TMPRSS6: variants seen among roughly 807,000 people sequenced by gnomAD.
TMPRSS6 encodes transmembrane serine protease 6.
Under a neutral mutation model 101.5 loss-of-function variants are expected in TMPRSS6, and 67 were observed. That is an observed-to-expected ratio of 0.66 (90% CI 0.54 to 0.81). TMPRSS6 has a LOEUF of 0.81. Among genes scored for constraint, TMPRSS6 ranks in the 30% least tolerant of loss-of-function variants. The probability of loss-of-function intolerance (pLI) is 0.00; values close to 1 mark genes in which losing one functional copy is unlikely to be tolerated. For synonymous variants in TMPRSS6, 453 were observed against 464.9 expected (o/e 0.97, Z 0.33); for missense variants, 1,034 against 1,088.7 (o/e 0.95, Z 0.71).
At chr22:37,104,822 G>C (rs1290131154) in intron 1 of TMPRSS6, among the ~76,000 whole-genome samples, 2 of 152,106 alleles carry the variant, frequency 1.3e-5, no homozygotes, top group African/African-American at 4.8e-5. Flanking sequence ...TTAGCCGGCT[G>C]TGGTGGTGGG....
At chr22:37,080,341 C>G (rs1336823757) in intron 10 of TMPRSS6, 1 of 152,258 alleles carries the variant, frequency 6.6e-6, no homozygotes, top group East Asian at 1.9e-4. Context: ...ATGGGGGGCC[C>G]ACCAGGCCAG....
At chr22:37,087,752 T>C (rs981476083) in intron 7 of TMPRSS6, among the ~76,000 whole-genome samples, 31 of 152,158 alleles carry the variant, frequency 2.0e-4, no homozygotes, top group African/African-American at 7.0e-4. Flanking sequence ...GGAGATACGA[T>C]ATTAGGATGG....
Position 37,084,857 on chromosome 22 carries a change from CTG to C in TMPRSS6, c.974-20_974-19del. 6.5e-7 allele frequency: 1 copy of C among 1,547,480 alleles called. No individual in the cohort carries two copies. The highest frequency in any genetic ancestry group is 8.7e-7 in the Non-Finnish European group (1 of 1,144,516). Reference sequence around the variant, plus strand: ...TTCACAGGCTGGACCAGGAGAGCAGCTGTTACACAGGGGTCCCCTGGCTGCAC... The same window carrying C: ...TTCACAGGCTGGACCAGGAGAGCAGCTTACACAGGGGTCCCCTGGCTGCAC... On this transcript the variant is annotated intron_variant, in intron 8 of 17. Coordinates refer to ENST00000676104, the MANE Select transcript of TMPRSS6 (RefSeq NM_001374504.1).
chr22:37,085,357 G>A (rs376038322), intron 8 of TMPRSS6, among the ~76,000 whole-genome samples: 4 of 152,086 alleles, frequency 2.6e-5, no homozygotes, highest in Non-Finnish European at 4.4e-5. Context: ...CTCCCGCCTC[G>A]AGCCTGTGTC....
chr22:37,108,924 A>C (rs1315824320), intron 1 of TMPRSS6, among the ~76,000 whole-genome samples: 1 of 152,176 alleles, frequency 6.6e-6, no homozygotes, highest in Non-Finnish European at 1.5e-5. Flanking sequence ...ACACACTCAC[A>C]GACCCACAGA....
chr22:37,084,431 T>TGGCC, intron 9 of TMPRSS6, 27 bp from the exon 10 acceptor site: 1 of 1,578,544 alleles, frequency 6.3e-7, no homozygotes, highest in Non-Finnish European at 8.7e-7. Context: ...GGCCATCAGG[T>TGGCC]GGCCCATGGG....
chr22:37,103,483 C>T lies in TMPRSS6; in HGVS notation c.-1-65G>A, dbSNP rs766080729. ...TTTGCAAGGGAGCCTCTGCTGAGCA[C>T]CGGTGGGGCACGGAAGCAGGACTTC... On this transcript the variant is annotated intron_variant, in intron 1 of 17. Coordinates refer to ENST00000676104, the MANE Select transcript of TMPRSS6 (RefSeq NM_001374504.1). The surrounding 1 kb of genome is among the most constrained non-coding windows in gnomAD (Gnocchi z 4.4). 6.2e-6 allele frequency: 10 copies of T among 1,614,246 alleles called. 1 individual carries two copies. The South Asian group carries it at 1.1e-4, about 18-fold the overall frequency.
At chr22:37,084,486 G>A in intron 9 of TMPRSS6, 82 bp from the exon 10 acceptor site, 2 of 1,058,754 alleles carry the variant, frequency 1.9e-6, no homozygotes, top group Non-Finnish European at 2.9e-6. Context: ...ACAAAGAGAA[G>A]GAAACACAGA....
intron 10 of TMPRSS6, among the ~76,000 whole-genome samples, chr22:37,078,949 G>A (rs201685866): frequency 0.21 from 23,318 of 110,778 alleles, 2,864 homozygotes; most frequent in African/African-American, 0.3. Context: ...GAAGGAGAAG[G>A]AGAAAAAGAG....
chr22:37,095,529 A>AG, intron 6 of TMPRSS6, 22 bp downstream of exon 6: 1 of 1,611,844 alleles, frequency 6.2e-7, no homozygotes, highest in African/African-American at 1.3e-5. Context: ...GAAAATGGGG[A>AG]GGGGAAAAAA....
At chr22:37,096,182 A>G in intron 4 of TMPRSS6, 92 bp from the exon 5 acceptor site, 1 of 1,422,792 alleles carries the variant, frequency 7.0e-7, no homozygotes, top group Non-Finnish European at 9.8e-7. Context: ...CACTTTCCGC[A>G]CCTCAGCCAT....
At chr22:37,081,288 G>A (rs929047377) in intron 10 of TMPRSS6, among the ~76,000 whole-genome samples, 2 of 152,192 alleles carry the variant, frequency 1.3e-5, no homozygotes, top group African/African-American at 4.8e-5. Flanking sequence ...CAGGGTGGGG[G>A]TCTCTTTCAC....
Position 37,096,049 on chromosome 22 carries a change from A to G in TMPRSS6, c.446T>C (p.Ile149Thr). Residue 149 changes from isoleucine to threonine, a missense_variant, in exon 5 of 18, where the codon ATC becomes ACC. Physicochemically the swap from Ile to Thr is moderately conservative, Grantham distance 89. Coordinates refer to ENST00000676104, the MANE Select transcript of TMPRSS6 (RefSeq NM_001374504.1). ...LTCFFWFILQ[I>T]PEHRRLMLSP... ...CAGCATCAGCCGGCGGTGCTCGGGG[A>G]TTTGGAGAATGAACCAGAAGAAGCA... The G allele has an allele frequency of 1.2e-6, 2 of 1,614,056 alleles. No homozygotes were observed. Among genetic ancestry groups the G allele is most frequent in the Non-Finnish European group, 1.7e-6 (2 of 1,180,004 alleles).
At position 37,101,484 on chromosome 22, in the gene TMPRSS6, A is replaced by T. The variant is rs911091969; in HGVS notation, c.202+1732T>A. On this transcript the variant is annotated intron_variant, in intron 2 of 17. Coordinates refer to ENST00000676104, the MANE Select transcript of TMPRSS6 (RefSeq NM_001374504.1). This position sits in a 1 kb window ranked among gnomAD's most constrained non-coding sequence, Gnocchi z 4.1. ...TTGGGGCCTGTCCTGCTCCAGTGTC[A>T]CTGGTCACTTGTGCACCTCCTCTTC... 6.6e-6 allele frequency among the ~76,000 whole-genome samples: 1 copy of T among 151,954 alleles called. No individual in the cohort carries two copies. Among genetic ancestry groups the T allele is most frequent in the Non-Finnish European group, 1.5e-5 (1 of 67,958 alleles).
chr22:37,094,277 C>A (rs991443793), intron 6 of TMPRSS6, among the ~76,000 whole-genome samples: 10 of 152,126 alleles, frequency 6.6e-5, no homozygotes, highest in Non-Finnish European at 1.3e-4. Flanking sequence ...CTAGAAAAGA[C>A]AACTCCAAAG....
chr22:37,096,491 G>A (rs989333716), intron 4 of TMPRSS6, among the ~76,000 whole-genome samples, 157 bp downstream of exon 4: 1 of 152,176 alleles, frequency 6.6e-6, no homozygotes, highest in East Asian at 1.9e-4. Flanking sequence ...TGAGCCCAGT[G>A]AAGGGAGGGT....
intron 2 of TMPRSS6, among the ~76,000 whole-genome samples, chr22:37,100,441 G>A (rs888378863): frequency 6.6e-6 from 1 of 152,214 alleles, no homozygotes; most frequent in African/African-American, 2.4e-5. Context: ...CCCCAGCTGT[G>A]GCAGAGGAGA....
rs1361125412 is a variant in TMPRSS6 at position 37,096,568 on chromosome 22, AT to A, written c.404+79del. On this transcript the variant is annotated intron_variant, in intron 4 of 17. Transcript: ENST00000676104. ...CCCATTTGAAACATGAAGGCATTGCATCAGAAGCCTACAGAGGCCCCTCCCA... is the reference window on the plus strand; with the variant it reads ...CCCATTTGAAACATGAAGGCATTGCACAGAAGCCTACAGAGGCCCCTCCCA... 129 of 1,459,852 alleles carry A rather than the reference AT, an allele frequency of 8.8e-5. No individual in the cohort carries two copies. The Admixed American group carries it at 2.5e-3, about 28-fold the overall frequency. The allele number at this position is 1,459,852 out of a possible 1,614,324, so 90.4% of individuals were successfully genotyped here.
At chr22:37,104,568 A>G (rs1930594376) in intron 1 of TMPRSS6, among the ~76,000 whole-genome samples, 1 of 152,246 alleles carries the variant, frequency 6.6e-6, no homozygotes, top group Admixed American at 6.5e-5. Flanking sequence ...CCCACAGTAC[A>G]GAGAAAGCCT....
Sources: gnomAD v4.1 joint callset for allele counts (sites outside exome capture counted in the v4.1 genomes callset) on GRCh38, gnomAD v4.1.1 for gene constraint, Gnocchi (gnomAD v3.1) non-coding constraint, MANE v1.5 for transcripts, NCBI Gene and HGNC (gene_info 2026-07-23, HGNC 2026-07-21) for gene names.